MFAP3: variants seen among roughly 807,000 people sequenced by gnomAD.
MFAP3 encodes the protein microfibril associated protein 3.
In MFAP3, 8 loss-of-function variants were observed where a neutral mutation model predicts 20.5. The observed-to-expected ratio is 0.39, with a 90% CI of 0.23 to 0.70. MFAP3 has a LOEUF of 0.70. MFAP3 is among the 30% of genes least tolerant of loss of function. The probability of loss-of-function intolerance (pLI) is 0.44; values close to 1 mark genes in which losing one functional copy is unlikely to be tolerated. For missense variants in MFAP3, 398 were observed against 444.6 expected, an observed-to-expected ratio of 0.90 and a Z score of 0.94; for synonymous variants, 140 against 154.0, an observed-to-expected ratio of 0.91 and a Z score of 0.67.
chr5:154,053,553 A>G lies in MFAP3; in HGVS notation c.929A>G (p.Gln310Arg), dbSNP rs533608410. 1.2e-6 allele frequency: 2 copies of G among 1,613,970 alleles called. No individual in the cohort carries two copies. Among genetic ancestry groups the G allele is most frequent in the Admixed American group, 1.7e-5 (1 of 59,996 alleles). Residue 310 changes from glutamine (Q) to arginine (R), a missense_variant, in exon 3 of 3, where the codon CAG (glutamine) becomes CGG (arginine). By Grantham distance (43) the Gln-to-Arg change is conservative (BLOSUM62 1). Transcript: ENST00000522782. ...SDDGSLNEQG[Q>R]EIAVQVSVHL... The stretch of plus-strand genomic sequence containing the variant: ...GATGGCTCTCTGAATGAACAAGGCC[A>G]GGAAATAGCAGTTCAGGTTTCTGTC...
rs772894018 is a variant in MFAP3 at position 154,055,601 on chromosome 5, T to C, written c.*1888T>C. On this transcript the variant is annotated 3_prime_UTR_variant, in exon 3 of 3. Coordinates refer to ENST00000522782, the MANE Select transcript of MFAP3 (RefSeq NM_005927.5). ...CATATCCTAGATTATGGAACACTTT[T>C]TCCCTTCCCTTTTCTCTGGAAAAAT... 2.6e-5 allele frequency among the ~76,000 whole-genome samples: 4 copies of C among 152,180 alleles called. No individual in the cohort carries two copies. Among genetic ancestry groups the C allele is most frequent in the Non-Finnish European group, 5.9e-5 (4 of 68,032 alleles).
intron 1 of MFAP3, 145 bp downstream of exon 1, chr5:154,039,156 C>G (rs1287871385): frequency 6.6e-6 from 1 of 152,204 alleles, no homozygotes; most frequent in Non-Finnish European, 1.5e-5. Context: ...TGTGGGAGTT[C>G]GGTCATCGAA....
chr5:154,042,212 A>G (rs931610067), intron 1 of MFAP3, among the ~76,000 whole-genome samples: 1 of 152,218 alleles, frequency 6.6e-6, no homozygotes, highest in South Asian at 2.1e-4. Flanking sequence ...ATAGAGGGGG[A>G]AAAATGGCCT....
In MFAP3 at chr5:154,049,767, T is replaced by C. The variant is rs1561590040; in HGVS notation, c.45T>C (p.Ile15=). The C allele has an allele frequency of 6.2e-7, 1 of 1,613,684 alleles. No individual in the cohort carries two copies. Among genetic ancestry groups the C allele is most frequent in the Admixed American group, 1.7e-5 (1 of 59,988 alleles). Residue 15 remains isoleucine (I), a synonymous_variant, in exon 2 of 3, where the codon ATT becomes ATC. Coordinates refer to ENST00000522782, the MANE Select transcript of MFAP3 (RefSeq NM_005927.5). Reference sequence around the variant, plus strand: ...TATTCACTTTAGTGGCAAGTATTATTGTGCCAGCTGCTTTTGTTTTGGAAG... The same window carrying C: ...TATTCACTTTAGTGGCAAGTATTATCGTGCCAGCTGCTTTTGTTTTGGAAG... The part of the protein sequence containing the change: ...CCLFTLVASI[I]VPAAFVLEDV...
chr5:154,047,587 G>C (rs570275969), intron 1 of MFAP3, among the ~76,000 whole-genome samples: 1 of 152,156 alleles, frequency 6.6e-6, no homozygotes, highest in East Asian at 1.9e-4. Flanking sequence ...AGTATCTCTG[G>C]AAGCTAATAA....
At chr5:154,045,134 C>T (rs1258726549) in intron 1 of MFAP3, among the ~76,000 whole-genome samples, 1 of 152,052 alleles carries the variant, frequency 6.6e-6, no homozygotes, top group Non-Finnish European at 1.5e-5. Context: ...CCCCCACATG[C>T]CTCCTTTTCC....
At position 154,054,280 on chromosome 5, in the gene MFAP3, G is replaced by A. The variant is rs990901682; in HGVS notation, c.*567G>A. 2.4e-5 allele frequency: 4 copies of A among 167,504 alleles called. 1 individual carries two copies. The highest frequency in any genetic ancestry group is 4.8e-5 in the African/African-American group (2 of 41,434). 10.4% of individuals were successfully genotyped at this position (167,504 alleles called of 1,614,324 possible). On this transcript the variant is annotated 3_prime_UTR_variant, in exon 3 of 3. Transcript: ENST00000522782. ...AGAGGTTTTTGAAAAACATCTGAGT[G>A]TTTTTCAGATGTTTTGCCATGTGGA...
In MFAP3 at chr5:154,049,942, C is replaced by A; in HGVS notation, c.220C>A (p.Leu74Ile). 1 of 1,613,652 alleles carries A rather than the reference C, an allele frequency of 6.2e-7. No individual in the cohort carries two copies. The highest frequency in any genetic ancestry group is 1.1e-5 in the South Asian group (1 of 91,070). ...GGGAACTAGCGTTTCAATTGAGTGT[C>A]TTCTCACAGCCAGTCACTATGAAGA... ...KEGTSVSIEC[L>I]LTASHYEDVH... is the part of the protein sequence containing the mutation. The change falls in exon 2 of 3, where the codon CTT becomes ATT. Residue 74 changes from leucine (L) to isoleucine (I), a missense_variant. Coordinates refer to ENST00000522782, the MANE Select transcript of MFAP3 (RefSeq NM_005927.5).
intron 1 of MFAP3, 111 bp from the exon 2 acceptor site, chr5:154,049,446 C>A: frequency 2.9e-6 from 1 of 346,806 alleles, no homozygotes; most frequent in Non-Finnish European, 5.3e-6. Context: ...TAATTACTCC[C>A]CAATGTCAGC....
chr5:154,040,418 C>A (rs997505963), intron 1 of MFAP3, among the ~76,000 whole-genome samples: 8 of 152,330 alleles, frequency 5.3e-5, no homozygotes, highest in East Asian at 3.9e-4. Flanking sequence ...ATTTTCGTAA[C>A]TTCTACCTTC....
chr5:154,047,506 G>A (rs1321232776), intron 1 of MFAP3, among the ~76,000 whole-genome samples: 1 of 151,982 alleles, frequency 6.6e-6, no homozygotes, highest in Non-Finnish European at 1.5e-5. Context: ...GTTGTGGGGG[G>A]CTTTTTGTTT....
At position 154,056,347 on chromosome 5, in the gene MFAP3, A is replaced by G. The variant is rs1255440752; in HGVS notation, c.*2634A>G. Among the ~76,000 whole-genome samples, 1 of 151,964 alleles carries G rather than the reference A, an allele frequency of 6.6e-6. No individual in the cohort carries two copies. The highest frequency in any genetic ancestry group is 2.4e-5 in the African/African-American group (1 of 41,216). ...TCAAAATTTAATTGGAGTTGGTATT[A>G]CTTCGTAAAGCTAGTTTTCAAGAGG... is the stretch of plus-strand genomic sequence containing the variant. On this transcript the variant is annotated 3_prime_UTR_variant, in exon 3 of 3. Coordinates refer to ENST00000522782, the MANE Select transcript of MFAP3 (RefSeq NM_005927.5).
At chr5:154,042,836 A>G (rs952882958) in intron 1 of MFAP3, among the ~76,000 whole-genome samples, 3 of 151,696 alleles carry the variant, frequency 2.0e-5, no homozygotes, top group African/African-American at 7.3e-5. Context: ...TGGAGTTTAA[A>G]AAAAAAAAAT....
intron 2 of MFAP3, among the ~76,000 whole-genome samples, chr5:154,051,377 T>A (rs1773189406): frequency 6.6e-6 from 1 of 152,226 alleles, no homozygotes; most frequent in Non-Finnish European, 1.5e-5. Context: ...TATTTTGCCT[T>A]TACTTTGAAA....
At chr5:154,040,070 T>C (rs907781860) in intron 1 of MFAP3, among the ~76,000 whole-genome samples, 137 of 152,340 alleles carry the variant, frequency 9.0e-4, no homozygotes, top group African/African-American at 3.2e-3. Context: ...TGCATAGAAT[T>C]TGGGGCTAAA....
chr5:154,050,693 C>A (rs1773170962), intron 2 of MFAP3, among the ~76,000 whole-genome samples: 1 of 90,878 alleles, frequency 1.1e-5, no homozygotes, highest in Admixed American at 1.4e-4. Context: ...TTGTTTATGT[C>A]TTAAAAATCA....
In MFAP3 at chr5:154,056,389, C is replaced by T. The variant is rs1013064932; in HGVS notation, c.*2676C>T. ...TTCAAGAGGAAGAAAACCACACTTA[C>T]TAATGTTTTCTGTATCTAATCAAAT... On this transcript the variant is annotated 3_prime_UTR_variant, in exon 3 of 3. Transcript: ENST00000522782. Among the ~76,000 whole-genome samples, 5 of 152,148 alleles carry T rather than the reference C, an allele frequency of 3.3e-5. No homozygotes were observed. Among genetic ancestry groups the T allele is most frequent in the African/African-American group, 7.2e-5 (3 of 41,434 alleles).
chr5:154,042,369 T>G (rs1772974366), intron 1 of MFAP3, among the ~76,000 whole-genome samples: 1 of 152,192 alleles, frequency 6.6e-6, no homozygotes, highest in Non-Finnish European at 1.5e-5. Context: ...CTCTGATAAA[T>G]ACAGACGATG....
rs1306161806 is a variant in MFAP3, at chr5:154,053,491, G to A, written c.867G>A (p.Glu289=). 8 of 1,613,696 alleles carry A rather than the reference G, an allele frequency of 5.0e-6. No individual in the cohort carries two copies. In the Admixed American group the frequency reaches 1.3e-4, roughly 27 times the overall value. The change falls in exon 3 of 3, where the codon GAG becomes GAA. Residue 289 remains glutamate (E), a synonymous_variant. Coordinates refer to ENST00000522782, the MANE Select transcript of MFAP3 (RefSeq NM_005927.5). The part of the protein sequence containing the change: ...AQGGIYVINP[E]MGRSNSPGGD... The stretch of plus-strand genomic sequence containing the variant: ...GTGGCATCTATGTCATTAACCCAGA[G>A]ATGGGACGGAGTAATTCACCAGGAG...
Sources: allele counts gnomAD v4.1 joint callset (sites outside exome capture counted in the v4.1 genomes callset), GRCh38; gene constraint gnomAD v4.1.1; transcripts MANE v1.5; gene names NCBI Gene and HGNC (gene_info 2026-07-23, HGNC 2026-07-21).